Variants in CDHR2 observed in about 807,000 individuals in gnomAD.
The protein encoded by CDHR2 is cadherin-related family member 2.
CDHR2 carries 104 observed loss-of-function variants against 138.6 expected under a neutral mutation model. The ratio of observed to expected loss-of-function variants is 0.75; its 90% CI spans 0.64 to 0.88. The LOEUF (loss-of-function observed/expected upper bound fraction) is 0.88, where lower values mean the gene tolerates loss of function less well. Among genes scored for constraint, CDHR2 ranks in the 40% least tolerant of loss-of-function variants. The probability of loss-of-function intolerance (pLI) is 0.00; values close to 1 mark genes in which losing one functional copy is unlikely to be tolerated. For synonymous variants in CDHR2, 755 were observed against 742.8 expected (o/e 1.02, Z -0.27); for missense variants, 1,624 against 1,727.6 (o/e 0.94, Z 1.06).
rs368146131 is a variant in CDHR2 at position 176,584,688 on chromosome 5, G to A, written c.2407G>A (p.Asp803Asn). Residue 803 changes from aspartate to asparagine, a missense_variant, in exon 19 of 32, where the codon GAC becomes AAC. By Grantham distance (23) the Asp-to-Asn change is conservative. This residue lies in a region of CDHR2 where 1,061 missense variants were observed against 1,136.6 expected (regional missense o/e 0.93). Transcript: ENST00000261944. ...DVCVNVKDVNDNPPTLDVASL... is the reference protein window; with the variant it reads ...DVCVNVKDVNNNPPTLDVASL... ...CTGCGTGAATGTGAAAGACGTGAAC[G>A]ACAATCCCCCCACCCTGGATGTAGC... 6.2e-6 allele frequency: 10 copies of A among 1,614,152 alleles called. No homozygotes were observed. The highest frequency in any genetic ancestry group is 4.4e-5 in the South Asian group (4 of 91,078).
intron 1 of CDHR2, among the ~76,000 whole-genome samples, chr5:176,562,643 A>C (rs1013879368): frequency 6.6e-6 from 1 of 152,130 alleles, no homozygotes; most frequent in Non-Finnish European, 1.5e-5. Flanking sequence ...CTTTTTTAAA[A>C]ACACAAAATA....
In CDHR2 at chr5:176,595,542, C is replaced by T. The variant is rs1320316957; in HGVS notation, c.3803C>T (p.Pro1268Leu). 1 of 1,604,648 alleles carries T rather than the reference C, an allele frequency of 6.2e-7. No individual in the cohort carries two copies. Among genetic ancestry groups the T allele is most frequent in the Non-Finnish European group, 8.5e-7 (1 of 1,175,348 alleles). ...KNSQEIKEHR[P>L]PHTPPEPDPE... ...TCCCTCTCCCTGCAGGAGCACAGGCCACCACACACACCACCAGAGCCAGAT... is the reference window on the plus strand; with the variant it reads ...TCCCTCTCCCTGCAGGAGCACAGGCTACCACACACACCACCAGAGCCAGAT... The change falls in exon 32 of 32, where the codon CCA (proline) becomes CTA (leucine). Residue 1268 changes from proline to leucine, a missense_variant. Pro to Leu is a moderately conservative substitution (Grantham distance 98, BLOSUM62 -3). Transcript: ENST00000261944.
chr5:176,551,425 G>A (rs146685212), intron 1 of CDHR2, among the ~76,000 whole-genome samples: 13 of 152,310 alleles, frequency 8.5e-5, no homozygotes, highest in Admixed American at 3.9e-4. Context: ...AGTAGTGGCC[G>A]GAGGGCTTGA....
rs764243820 is a variant in CDHR2, at chr5:176,584,682, G to A, written c.2401G>A (p.Val801Met). Reference sequence around the variant, plus strand: ...AGACGTCTGCGTGAATGTGAAAGACGTGAACGACAATCCCCCCACCCTGGA... The same window carrying A: ...AGACGTCTGCGTGAATGTGAAAGACATGAACGACAATCCCCCCACCCTGGA... ...IVDVCVNVKD[V>M]NDNPPTLDVA... The change falls in exon 19 of 32, where the codon GTG becomes ATG. Residue 801 changes from valine to methionine, a missense_variant. Val to Met is a conservative substitution (Grantham distance 21, BLOSUM62 1). Around this residue, in one of 3 missense-constraint regions of CDHR2, gnomAD observed 1,061 missense variants for 1,136.6 expected, o/e 0.93. Coordinates refer to ENST00000261944, the MANE Select transcript of CDHR2 (RefSeq NM_017675.6). 21 of 1,614,048 alleles carry A rather than the reference G, an allele frequency of 1.3e-5. No individual in the cohort carries two copies. The highest frequency in any genetic ancestry group is 3.3e-5 in the Admixed American group (2 of 60,002).
In CDHR2 at chr5:176,584,530, G is replaced by T. The variant is rs760571978; in HGVS notation, c.2249G>T (p.Gly750Val). The change falls in exon 19 of 32, where the codon GGG becomes GTG. Residue 750 changes from glycine (G) to valine (V), a missense_variant. Gly to Val is a moderately radical substitution (Grantham distance 109). This residue lies in a region of CDHR2 where 1,061 missense variants were observed against 1,136.6 expected (regional missense o/e 0.93). Transcript: ENST00000261944. ...NYFMIRGLVLGAGWAEGYLRL... is the reference protein window; with the variant it reads ...NYFMIRGLVLVAGWAEGYLRL... ...TTCATGATCCGAGGCTTGGTGCTGGGGGCTGGGTGGGCTGAGGGCTACCTC... is the reference window on the plus strand; with the variant it reads ...TTCATGATCCGAGGCTTGGTGCTGGTGGCTGGGTGGGCTGAGGGCTACCTC... 1.2e-6 allele frequency: 2 copies of T among 1,613,478 alleles called. No homozygotes were observed. The highest frequency in any genetic ancestry group is 1.7e-6 in the Non-Finnish European group (2 of 1,179,652).
chr5:176,545,308 G>A (rs768761431), upstream of CDHR2, among the ~76,000 whole-genome samples: 8 of 152,110 alleles, frequency 5.3e-5, no homozygotes, highest in Non-Finnish European at 8.8e-5. Context: ...ATTTTTAGTA[G>A]AGATGGGGTT....
chr5:176,546,327 AATC>A, upstream of CDHR2, among the ~76,000 whole-genome samples: 1 of 152,262 alleles, frequency 6.6e-6, no homozygotes, highest in East Asian at 1.9e-4. Flanking sequence ...TGGGGAAAAA[AATC>A]ATCCCTGGAG....
chr5:176,589,837 G>A lies in CDHR2; in HGVS notation c.3206+221G>A, dbSNP rs116019637. Among the ~76,000 whole-genome samples, 684 of 152,324 alleles carry A rather than the reference G, an allele frequency of 4.5e-3. 10 individuals carry two copies. Among genetic ancestry groups the A allele is most frequent in the African/African-American group, 0.015 (633 of 41,576 alleles). Reference sequence around the variant, plus strand: ...AGGGAAGCCTTGGAACAAGGCTGCCGTGTACAGTTGTGAAGGCTGTGTGTT... The same window carrying A: ...AGGGAAGCCTTGGAACAAGGCTGCCATGTACAGTTGTGAAGGCTGTGTGTT... On this transcript the variant is annotated intron_variant, in intron 24 of 31. Coordinates refer to ENST00000261944, the MANE Select transcript of CDHR2 (RefSeq NM_017675.6).
Position 176,584,988 on chromosome 5 carries a change from C to T in CDHR2, c.2707C>T (p.Pro903Ser). The change falls in exon 19 of 32, where the codon CCC becomes TCC. Residue 903 changes from proline to serine, a missense_variant. Coordinates refer to ENST00000261944, the MANE Select transcript of CDHR2 (RefSeq NM_017675.6). ...VVRACDLATD[P>S]GFQAYSNNGS... ...GCGGGCCTGTGACCTAGCCACGGAC[C>T]CCGGCTTCCAGGCCTACAGCAACAA... is the stretch of plus-strand genomic sequence containing the variant. The T allele has an allele frequency of 6.5e-7, 1 of 1,548,810 alleles. No individual in the cohort carries two copies. The highest frequency in any genetic ancestry group is 2.4e-5 in the East Asian group (1 of 40,834).
rs1258639038 is a variant in CDHR2, at chr5:176,553,535, C to A, written c.-16+4121C>A. Among the ~76,000 whole-genome samples, 1 of 152,280 alleles carries A rather than the reference C, an allele frequency of 6.6e-6. No homozygotes were observed. Among genetic ancestry groups the A allele is most frequent in the African/African-American group, 2.4e-5 (1 of 41,548 alleles). ...CACCTAGTGACTAATTGTCCCGTGG[C>A]AGTTGACTCATTTCTGAAGGACAGA... On this transcript the variant is annotated intron_variant, in intron 1 of 31. Transcript: ENST00000261944. The surrounding 1 kb of genome is among the most constrained non-coding windows in gnomAD (Gnocchi z 4.3).
At chr5:176,558,214 A>ATT (rs34795456) in intron 1 of CDHR2, among the ~76,000 whole-genome samples, 1 of 132,176 alleles carries the variant, frequency 7.6e-6, no homozygotes, top group African/African-American at 2.8e-5. Flanking sequence ...TTCTTTTCTT[A>ATT]TTTTTTTTTT....
rs948206774 is a variant in CDHR2, at chr5:176,590,491, T to A, written c.3414+6T>A. On this transcript the variant is annotated splice_donor_region_variant and intron_variant, in intron 27 of 31. Coordinates refer to ENST00000261944, the MANE Select transcript of CDHR2 (RefSeq NM_017675.6). Reference sequence around the variant, plus strand: ...AGCTGGGGCTGGTGGTGCTGGTGAGTGCGGGCAGGGCGGGGCAGCAGGTGG... The same window carrying A: ...AGCTGGGGCTGGTGGTGCTGGTGAGAGCGGGCAGGGCGGGGCAGCAGGTGG... The A allele has an allele frequency of 1.9e-6, 3 of 1,613,668 alleles. No individual in the cohort carries two copies. Among genetic ancestry groups the A allele is most frequent in the Non-Finnish European group, 1.7e-6 (2 of 1,179,848 alleles).
chr5:176,591,770 CGATGGTGGTGGTGGTGG>C lies in CDHR2; in HGVS notation c.3734+287_3734+303del, dbSNP rs1561883146. 2 of 11,676 alleles carry C rather than the reference CGATGGTGGTGGTGGTGG, an allele frequency of 1.7e-4. 1 individual carries two copies. The allele number at this position is 11,676 out of a possible 1,614,324, so 0.7% of individuals were successfully genotyped here. A position where few individuals can be genotyped will look rare whatever the true frequency, so the allele number is the denominator to read the frequency against. ...ATGGTGGTGATGATGGTGATGATGA[CGATGGTGGTGGTGGTGG>C]TGGTGTTGGTGTTGAGGTGATGGTG... On this transcript the variant is annotated intron_variant, in intron 30 of 31. Transcript: ENST00000261944.
chr5:176,577,865 A>AGT (rs35146200), intron 14 of CDHR2, 67 bp downstream of exon 14: 885,701 of 1,148,018 alleles, frequency 0.77, 324,097 homozygotes, highest in Non-Finnish European at 0.8. Flanking sequence ...TGAGTGTGAG[A>AGT]GTGTGTGTGT....
chr5:176,565,767 C>T (rs1758065082), intron 3 of CDHR2, 24 bp downstream of exon 3: 2 of 1,598,824 alleles, frequency 1.3e-6, no homozygotes, highest in Admixed American at 3.4e-5. Flanking sequence ...CCTGTGTCTG[C>T]CCCATGTCAG....
At chr5:176,579,771 A>C (rs529601355) in intron 16 of CDHR2, among the ~76,000 whole-genome samples, 124 of 152,208 alleles carry the variant, frequency 8.1e-4, no homozygotes, top group Non-Finnish European at 1.5e-3. Context: ...GAGTGGTCCC[A>C]CTCTGGATTC....
intron 3 of CDHR2, among the ~76,000 whole-genome samples, chr5:176,567,440 G>C (rs1400010029): frequency 6.6e-6 from 1 of 151,870 alleles, no homozygotes; most frequent in African/African-American, 2.4e-5. Flanking sequence ...AAAGTGCTGG[G>C]ATTACAGGCA....
At chr5:176,585,841 C>CGGGGTTGAGGCTGCGGGGCAT (rs1758651075) in intron 19 of CDHR2, 113 bp from the exon 20 acceptor site, 7 of 785,974 alleles carry the variant, frequency 8.9e-6, no homozygotes, top group Admixed American at 4.0e-5. Context: ...CTGCGGGGCA[C>CGGGGTTGAGGCTGCGGGGCAT]GGGGTTGAGG....
chr5:176,594,410 C>T (rs1758966320), intron 31 of CDHR2, among the ~76,000 whole-genome samples: 1 of 152,182 alleles, frequency 6.6e-6, no homozygotes. Flanking sequence ...CTTGTCTAAG[C>T]TCCACACGTC....
Sources: allele counts gnomAD v4.1 joint callset (sites outside exome capture counted in the v4.1 genomes callset), GRCh38; gene constraint gnomAD v4.1.1; regional missense constraint gnomAD v4.1.1; non-coding constraint Gnocchi (gnomAD v3.1); transcripts MANE v1.5; gene names NCBI Gene and HGNC (gene_info 2026-07-23, HGNC 2026-07-21).